The following DYNC1I1 variants were observed in gnomAD, a reference collection of about 807,000 sequenced individuals.
DYNC1I1 encodes dynein cytoplasmic 1 intermediate chain 1, also known as cytoplasmic dynein 1 intermediate chain 1.
A neutral mutation model predicts 86.6 loss-of-function variants in DYNC1I1; 43 were observed. The observed-to-expected ratio is 0.50, with a 90% CI of 0.39 to 0.64. DYNC1I1 has a LOEUF of 0.64. Among genes scored for constraint, DYNC1I1 ranks in the 30% least tolerant of loss-of-function variants. The pLI, the probability that DYNC1I1 is intolerant of heterozygous loss-of-function variation, is 0.00. For missense variants in DYNC1I1, 604 were observed against 788.8 expected (o/e 0.77, Z 2.81); for synonymous variants, 262 against 283.7 (o/e 0.92, Z 0.77).
chr7:95,885,465 C>A (rs750187752), intron 6 of DYNC1I1, among the ~76,000 whole-genome samples: 1 of 152,008 alleles, frequency 6.6e-6, no homozygotes, highest in Non-Finnish European at 1.5e-5. Flanking sequence ...ACATGAGCCA[C>A]CATGCCCTGC....
chr7:95,974,820 TGTG>T (rs1793261602), intron 6 of DYNC1I1, among the ~76,000 whole-genome samples: 1 of 152,098 alleles, frequency 6.6e-6, no homozygotes, highest in Non-Finnish European at 1.5e-5. Context: ...ACCTCCTGAG[TGTG>T]GAAGAACAAT....
Position 95,990,968 on chromosome 7 carries a change from G to T in DYNC1I1, c.843+3813G>T, listed in dbSNP as rs146223028. On this transcript the variant is annotated intron_variant, in intron 9 of 16. Transcript: ENST00000447467. ...TTGCTTGAGCCTGGAGGCAGAGGTT[G>T]CAGTGAGCTAAGGTCTCATCACTGC... 1.9e-4 allele frequency among the ~76,000 whole-genome samples: 29 copies of T among 152,194 alleles called. No homozygotes were observed. The East Asian group carries it at 5.0e-3, about 26-fold the overall frequency.
In DYNC1I1 at chr7:96,098,245, A is replaced by G. The variant is rs1238745484; in HGVS notation, c.*652A>G. ...ATGCCAGTTCCACTGAAGACATGAA[A>G]TCTTTAGAGGTTTCTTGCAGTGAAC... is the stretch of plus-strand genomic sequence containing the variant. On this transcript the variant is annotated 3_prime_UTR_variant, in exon 17 of 17. Transcript: ENST00000447467. 6.1e-6 allele frequency: 6 copies of G among 985,888 alleles called. No individual in the cohort carries two copies. Among genetic ancestry groups the G allele is most frequent in the Non-Finnish European group, 6.0e-6 (5 of 829,938 alleles). 61.1% of individuals were successfully genotyped at this position (985,888 alleles called of 1,614,324 possible).
intron 11 of DYNC1I1, among the ~76,000 whole-genome samples, chr7:96,031,664 A>C (rs546344005): frequency 2.0e-5 from 3 of 152,280 alleles, no homozygotes; most frequent in Admixed American, 1.3e-4. Flanking sequence ...TACAATAGCA[A>C]CTTTCCAATA....
intron 5 of DYNC1I1, among the ~76,000 whole-genome samples, chr7:95,857,181 T>C (rs948940666): frequency 5.9e-5 from 9 of 152,122 alleles, no homozygotes; most frequent in Admixed American, 5.2e-4. Context: ...GATGTTGTAA[T>C]CCTTCCAGAA....
chr7:95,791,604 T>C (rs951943514), intron 1 of DYNC1I1, among the ~76,000 whole-genome samples: 4 of 152,280 alleles, frequency 2.6e-5, no homozygotes, highest in African/African-American at 9.6e-5. Flanking sequence ...AGCCCAGCCA[T>C]CAACATGATA....
intron 12 of DYNC1I1, 39 bp downstream of exon 12, chr7:96,032,819 T>G (rs758761457): frequency 1.3e-5 from 19 of 1,512,942 alleles, no homozygotes; most frequent in Non-Finnish European, 1.7e-5. Flanking sequence ...CCATCCTGGT[T>G]AAAAGAGATA....
intron 1 of DYNC1I1, among the ~76,000 whole-genome samples, chr7:95,798,826 A>T (rs1348000414): frequency 2.0e-5 from 3 of 152,192 alleles, no homozygotes; most frequent in Non-Finnish European, 4.4e-5. Context: ...ACTTTGTTCT[A>T]AATAGGACCA....
At chr7:95,892,593 A>G (rs1170365387) in intron 6 of DYNC1I1, among the ~76,000 whole-genome samples, 1 of 151,618 alleles carries the variant, frequency 6.6e-6, no homozygotes, top group African/African-American at 2.4e-5. Flanking sequence ...TTACAGGTGT[A>G]AGCCACCGTG....
chr7:96,101,607 G>A (rs142623701), downstream of DYNC1I1, among the ~76,000 whole-genome samples: 218 of 152,246 alleles, frequency 1.4e-3, no homozygotes, highest in African/African-American at 4.9e-3. Flanking sequence ...GGTGGCTTAC[G>A]GCAACAAGGT....
At chr7:96,049,647 C>T (rs940734978) in intron 14 of DYNC1I1, among the ~76,000 whole-genome samples, 24 of 152,036 alleles carry the variant, frequency 1.6e-4, no homozygotes, top group African/African-American at 5.3e-4. Flanking sequence ...TCCTCCAAAT[C>T]GTAGAAAGAA....
At chr7:96,055,599 C>A (rs1046573131) in intron 14 of DYNC1I1, among the ~76,000 whole-genome samples, 1 of 151,512 alleles carries the variant, frequency 6.6e-6, no homozygotes, top group East Asian at 1.9e-4. Flanking sequence ...GTAATACTAG[C>A]AAACTAACAT....
chr7:95,997,583 T>TTTTGTGTGTG (rs1491165108), intron 10 of DYNC1I1, among the ~76,000 whole-genome samples: 1 of 142,756 alleles, frequency 7.0e-6, no homozygotes, highest in Non-Finnish European at 1.5e-5. Flanking sequence ...AAGGGCATTC[T>TTTTGTGTGTG]TGTGTGTGTG....
chr7:95,918,671 AAG>A (rs1382748851), intron 6 of DYNC1I1, among the ~76,000 whole-genome samples: 1 of 152,202 alleles, frequency 6.6e-6, no homozygotes, highest in Non-Finnish European at 1.5e-5. Flanking sequence ...TGGAAAAAGA[AAG>A]AACTAACTTC....
Position 95,813,378 on chromosome 7 carries a change from T to TAA in DYNC1I1, c.314+55_314+56dup, listed in dbSNP as rs35397709. 0.14 allele frequency: 195,533 copies of TAA among 1,379,940 alleles called. 3,745 individuals are homozygous for TAA. Among genetic ancestry groups the TAA allele is most frequent in the East Asian group, 0.29 (11,088 of 38,836 alleles). 85.5% of individuals were successfully genotyped at this position (1,379,940 alleles called of 1,614,324 possible). On this transcript the variant is annotated intron_variant, in intron 4 of 16. Transcript: ENST00000447467. ...TTAAAAGGCCATGATGGGTGTCAAT[T>TAA]AAAAAAAAAAAAAAACAGCAACAAC...
chr7:95,984,865 G>C lies in DYNC1I1; in HGVS notation c.631G>C (p.Glu211Gln). 1 of 1,613,302 alleles carries C rather than the reference G, an allele frequency of 6.2e-7. No individual in the cohort carries two copies. The highest frequency in any genetic ancestry group is 8.5e-7 in the Non-Finnish European group (1 of 1,179,660). Residue 211 changes from glutamate to glutamine, a missense_variant, in exon 8 of 17, where the codon GAG becomes CAG. Transcript: ENST00000447467. ...EEEKQQILHS[E>Q]EFLIFFDRTI... is the part of the protein sequence containing the mutation. ...AGAAAAACAGCAGATCCTTCATTCA[G>C]AGGAATTTCTCATCTTTTTTGACCG...
At chr7:95,862,901 T>TAAAAAA (rs1213052835) in intron 5 of DYNC1I1, among the ~76,000 whole-genome samples, 1 of 152,230 alleles carries the variant, frequency 6.6e-6, no homozygotes, top group African/African-American at 2.4e-5. Context: ...AACATCTCTG[T>TAAAAAA]ATTATAATAC....
At chr7:95,823,976 A>ATATATATATATATATG (rs1554393670) in intron 4 of DYNC1I1, among the ~76,000 whole-genome samples, 1 of 112,804 alleles carries the variant, frequency 8.9e-6, no homozygotes, top group African/African-American at 4.2e-5. Context: ...ATATATATAT[A>ATATATATATATATATG]TATGTTTTGG....
chr7:95,798,890 G>C (rs1244087413), intron 1 of DYNC1I1, among the ~76,000 whole-genome samples: 3 of 152,216 alleles, frequency 2.0e-5, no homozygotes, highest in Non-Finnish European at 4.4e-5. Flanking sequence ...AGAGCTCATT[G>C]TTGGGTTCGA....
Sources: gnomAD v4.1 joint callset for allele counts (sites outside exome capture counted in the v4.1 genomes callset) on GRCh38, gnomAD v4.1.1 for gene constraint, MANE v1.5 for transcripts, NCBI Gene and HGNC (gene_info 2026-07-23, HGNC 2026-07-21) for gene names.